The following ATG10 variants were observed in gnomAD, a reference collection of about 807,000 sequenced individuals.
ATG10 encodes ubiquitin-like-conjugating enzyme ATG10.
ATG10 carries 30 observed loss-of-function variants against 32.1 expected under a neutral mutation model. The ratio of observed to expected loss-of-function variants is 0.94; its 90% CI spans 0.70 to 1.27. The LOEUF (loss-of-function observed/expected upper bound fraction) is 1.27. ATG10 is among the 50% of genes most tolerant of loss of function. ATG10 has a pLI of 0.00. For missense variants in ATG10, 233 were observed against 262.3 expected (o/e 0.89, Z 0.77); for synonymous variants, 87 against 91.5 (o/e 0.95, Z 0.28).
At chr5:82,221,564 A>G (rs1745931010) in intron 5 of ATG10, among the ~76,000 whole-genome samples, 1 of 152,122 alleles carries the variant, frequency 6.6e-6, no homozygotes, top group Non-Finnish European at 1.5e-5. Context: ...GCCACCATCT[A>G]TTACACTGAG....
chr5:82,018,958 C>A (rs1254158169), intron 2 of ATG10, among the ~76,000 whole-genome samples: 1 of 152,026 alleles, frequency 6.6e-6, no homozygotes, highest in Non-Finnish European at 1.5e-5. Flanking sequence ...TTTCTTTGCC[C>A]AGTCTGTGAA....
chr5:82,188,285 G>T (rs1744530307), intron 5 of ATG10, among the ~76,000 whole-genome samples: 1 of 152,136 alleles, frequency 6.6e-6, no homozygotes, highest in Non-Finnish European at 1.5e-5. Flanking sequence ...ACATCTGGTT[G>T]AGCAGAATAT....
rs1052697442 is a variant in ATG10, at chr5:82,023,744, T to C, written c.109-34751T>C. ...CTGATTCTTGAAAGAAACAAGCCCT[T>C]GAAGTGCACCCGCTGTTTATTCTTT... On this transcript the variant is annotated intron_variant, in intron 2 of 7. Coordinates refer to ENST00000282185, the MANE Select transcript of ATG10 (RefSeq NM_031482.5). Among the ~76,000 whole-genome samples, 25 of 152,214 alleles carry C rather than the reference T, an allele frequency of 1.6e-4. 1 individual carries two copies. The highest frequency in any genetic ancestry group is 2.4e-5 in the African/African-American group (1 of 41,456).
At chr5:82,212,202 C>A (rs1038062960) in intron 5 of ATG10, among the ~76,000 whole-genome samples, 9 of 152,194 alleles carry the variant, frequency 5.9e-5, no homozygotes, top group Non-Finnish European at 4.4e-5. Flanking sequence ...CTTATCTTCT[C>A]AGCATTATTC....
At chr5:82,118,400 A>ATATATATATATATATATATATATATAT (rs371581160) in intron 3 of ATG10, among the ~76,000 whole-genome samples, 1,186 of 115,630 alleles carry the variant, frequency 0.01, 60 homozygotes, top group Non-Finnish European at 0.016. Flanking sequence ...ATATATATAT[A>ATATATATATATATATATATATATATAT]TATATGTATG....
intron 5 of ATG10, among the ~76,000 whole-genome samples, chr5:82,233,622 AC>A (rs1746447339): frequency 6.6e-6 from 1 of 152,208 alleles, no homozygotes; most frequent in South Asian, 2.1e-4. Flanking sequence ...AGTTAAATGA[AC>A]CAGTGCCATG....
At chr5:82,057,799 C>T (rs1763650532) in intron 2 of ATG10, among the ~76,000 whole-genome samples, 2 of 152,058 alleles carry the variant, frequency 1.3e-5, no homozygotes, top group Non-Finnish European at 2.9e-5. Flanking sequence ...TGGTAAAGGG[C>T]TCAGAAACCA....
intron 5 of ATG10, among the ~76,000 whole-genome samples, chr5:82,188,553 G>A (rs1744538667): frequency 6.6e-6 from 1 of 151,964 alleles, no homozygotes; most frequent in Non-Finnish European, 1.5e-5. Context: ...AAACATCTTA[G>A]TCCCCAAACT....
chr5:82,010,169 T>C, intron 2 of ATG10: 1 of 1,242,282 alleles, frequency 8.0e-7, no homozygotes, highest in Non-Finnish European at 1.2e-6. Flanking sequence ...CTCAAGGTCT[T>C]GGAGAATGTT....
intron 3 of ATG10, among the ~76,000 whole-genome samples, chr5:82,084,327 C>G (rs576641301): frequency 2.0e-4 from 30 of 152,238 alleles, no homozygotes; most frequent in African/African-American, 7.2e-4. Flanking sequence ...AAATATGGAA[C>G]TATGTGAAAA....
chr5:82,200,695 T>C (rs1000078198), intron 5 of ATG10, among the ~76,000 whole-genome samples: 64 of 151,068 alleles, frequency 4.2e-4, no homozygotes, highest in Admixed American at 2.6e-3. Flanking sequence ...TTTTATATTC[T>C]TATTGTTGGG....
intron 4 of ATG10, among the ~76,000 whole-genome samples, chr5:82,171,512 G>A (rs955320542): frequency 1.6e-4 from 24 of 151,956 alleles, no homozygotes; most frequent in African/African-American, 4.8e-4. Context: ...AGGGTAGATC[G>A]TAGAGTCAAC....
chr5:82,020,372 A>G (rs2149705354), intron 2 of ATG10, among the ~76,000 whole-genome samples: 1 of 152,358 alleles, frequency 6.6e-6, no homozygotes, highest in South Asian at 2.1e-4. Context: ...AATTATCTGG[A>G]GAAGGATAGA....
chr5:81,989,603 ATT>A (rs558779158), intron 2 of ATG10, among the ~76,000 whole-genome samples: 5 of 143,914 alleles, frequency 3.5e-5, no homozygotes, highest in Admixed American at 6.9e-5. Flanking sequence ...TTATGTTTCA[ATT>A]TTTTTTTTTT....
intron 3 of ATG10, among the ~76,000 whole-genome samples, chr5:82,154,644 A>AT (rs1767739722): frequency 6.6e-6 from 1 of 152,094 alleles, no homozygotes; most frequent in African/African-American, 2.4e-5. Context: ...TTTATCCGAG[A>AT]TTTTGAGTGT....
intron 5 of ATG10, among the ~76,000 whole-genome samples, chr5:82,184,487 G>A (rs1252892331): frequency 1.3e-5 from 2 of 151,914 alleles, no homozygotes; most frequent in South Asian, 4.2e-4. Flanking sequence ...GACCCTAACC[G>A]ATAATATCTA....
chr5:82,026,656 T>C (rs1365259624), intron 2 of ATG10, among the ~76,000 whole-genome samples: 3 of 152,230 alleles, frequency 2.0e-5, no homozygotes, highest in Admixed American at 6.5e-5. Flanking sequence ...TTCATAATGG[T>C]TTATTATTTG....
chr5:82,143,083 GGAGTGGTTGTTA>G (rs1464673226), intron 3 of ATG10, among the ~76,000 whole-genome samples: 1 of 152,244 alleles, frequency 6.6e-6, no homozygotes, highest in African/African-American at 2.4e-5. Context: ...TATCAGCAAT[GGAGTGGTTGTTA>G]GAGTCATAGA....
At chr5:81,976,433 C>T (rs1269398751) in intron 1 of ATG10, 1 of 152,160 alleles carries the variant, frequency 6.6e-6, no homozygotes, top group Non-Finnish European at 1.5e-5. Context: ...ATTGGGAGGC[C>T]ATTGCCTGAG....
Sources: allele counts gnomAD v4.1 joint callset (sites outside exome capture counted in the v4.1 genomes callset), GRCh38; gene constraint gnomAD v4.1.1; transcripts MANE v1.5; gene names NCBI Gene and HGNC (gene_info 2026-07-23, HGNC 2026-07-21).